Variants in ITSN1 observed in about 807,000 individuals in gnomAD.
The protein encoded by ITSN1 is intersectin-1.
A neutral mutation model predicts 239.8 loss-of-function variants in ITSN1; 58 were observed. The observed-to-expected ratio is 0.24, with a 90% confidence interval of 0.20 to 0.30. ITSN1 has a LOEUF of 0.30. Among genes scored for constraint, ITSN1 ranks in the 10% least tolerant of loss-of-function variants. ITSN1 has a pLI of 1.00. For synonymous variants in ITSN1, 780 were observed against 770.8 expected (o/e 1.01, Z -0.20); for missense variants, 1,558 against 2,103.3 (o/e 0.74, Z 5.07).
Position 33,895,760 on chromosome 21 carries a change from G to T in ITSN1, c.*7460G>T, listed in dbSNP as rs886693736. The stretch of plus-strand genomic sequence containing the variant: ...GTGTGTACCTACCCACACCTAGGGG[G>T]ATGCATGGCTCTGTGCCTTGGAGAG... On this transcript the variant is annotated 3_prime_UTR_variant, in exon 40 of 40. Coordinates refer to ENST00000381318, the MANE Select transcript of ITSN1 (RefSeq NM_003024.3). 5 of 152,344 alleles carry T rather than the reference G, an allele frequency of 3.3e-5. No homozygotes were observed. The East Asian group carries it at 9.6e-4, about 29-fold the overall frequency. 9.4% of individuals were successfully genotyped at this position (152,344 alleles called of 1,614,324 possible).
chr21:33,818,362 CGTCCTGGA>C lies in ITSN1; in HGVS notation c.2824_2831del (p.Val942ThrfsTer45). The C allele has an allele frequency of 6.2e-7, 1 of 1,614,140 alleles. No homozygotes were observed. The highest frequency in any genetic ancestry group is 8.5e-7 in the Non-Finnish European group (1 of 1,180,006). On this transcript the variant is annotated frameshift_variant, in exon 23 of 40. Transcript: ENST00000381318. LOFTEE classifies it high-confidence loss of function. Reference sequence around the variant, plus strand: ...ATTTTAACAAAAATGATGTCATCACCGTCCTGGAACAGCAAGACATGTGGTGGTTTGGA... The same window carrying C: ...ATTTTAACAAAAATGATGTCATCACCACAGCAAGACATGTGGTGGTTTGGA...
intron 19 of ITSN1, among the ~76,000 whole-genome samples, chr21:33,800,889 A>ACTGCAACCTCTGCCTCC (rs565204718): frequency 0.04 from 5,758 of 144,112 alleles, 320 homozygotes; most frequent in Non-Finnish European, 0.06. Flanking sequence ...ATATTGGCTC[A>ACTGCAACCTCTGCCTCC]CTGCAACCTC....
At position 33,750,246 on chromosome 21, in the gene ITSN1, T is replaced by C. The variant is rs7276194; in HGVS notation, c.450T>C (p.Val150=). The C allele has an allele frequency of 1.3e-3, 2,149 of 1,614,116 alleles. 22 individuals carry two copies. In the African/African-American group the frequency reaches 0.025, roughly 19 times the overall value. Residue 150 remains valine (V), a synonymous_variant, in exon 6 of 40, where the codon GTT becomes GTC. Transcript: ENST00000381318. ...VGMSPTLVSS[V]PTAAVPPLAN... is the part of the protein sequence containing the mutation. The stretch of plus-strand genomic sequence containing the variant: ...TGTCTCCAACCCTAGTATCTTCTGT[T>C]CCCACAGCAGCTGTGCCCCCCCTGG...
chr21:33,818,823 G>C (rs985667938), intron 23 of ITSN1, among the ~76,000 whole-genome samples: 19 of 152,222 alleles, frequency 1.2e-4, no homozygotes, highest in African/African-American at 4.3e-4. Flanking sequence ...AAACCCAAAG[G>C]ATCTGGGGAA....
chr21:33,835,847 G>A (rs898080499), intron 28 of ITSN1, among the ~76,000 whole-genome samples: 9 of 152,182 alleles, frequency 5.9e-5, no homozygotes, highest in African/African-American at 2.2e-4. Context: ...AGGAGAATCG[G>A]TTGAACCCTG....
intron 1 of ITSN1, among the ~76,000 whole-genome samples, chr21:33,694,650 G>A (rs149749898): frequency 1.5e-3 from 221 of 152,048 alleles, no homozygotes; most frequent in African/African-American, 5.0e-3. Context: ...GCGAAACCCC[G>A]TCTCTACTAA....
intron 1 of ITSN1, among the ~76,000 whole-genome samples, chr21:33,661,729 C>T (rs1359950938): frequency 6.6e-6 from 1 of 152,102 alleles, no homozygotes; most frequent in Non-Finnish European, 1.5e-5. Flanking sequence ...CCATACTGTT[C>T]TTGTGGTAGT....
chr21:33,643,044 C>T (rs1476851362), intron 1 of ITSN1, among the ~76,000 whole-genome samples: 2 of 149,526 alleles, frequency 1.3e-5, no homozygotes, highest in African/African-American at 2.4e-5. Flanking sequence ...CGGGCTCCCT[C>T]CTCTCGCGGG....
chr21:33,856,877 AG>A lies in ITSN1; in HGVS notation c.3783+25del. 1.9e-6 allele frequency: 3 copies of A among 1,567,280 alleles called. No individual in the cohort carries two copies. The highest frequency in any genetic ancestry group is 2.6e-6 in the Non-Finnish European group (3 of 1,145,000). On this transcript the variant is annotated intron_variant, in intron 30 of 39. Coordinates refer to ENST00000381318, the MANE Select transcript of ITSN1 (RefSeq NM_003024.3). ...ACAGAGGTAAGGGAGCTGGTGGGGC[AG>A]GGGGCACGGCAGGGGGCGATGACGG...
At chr21:33,793,719 T>G (rs1892589) in intron 16 of ITSN1, among the ~76,000 whole-genome samples, 1 of 152,252 alleles carries the variant, frequency 6.6e-6, no homozygotes, top group South Asian at 2.1e-4. Context: ...TTAACCTGAT[T>G]GCTGGTTTAG....
intron 14 of ITSN1, among the ~76,000 whole-genome samples, chr21:33,778,592 T>C (rs1339250352): frequency 7.8e-6 from 1 of 127,480 alleles, no homozygotes; most frequent in African/African-American, 3.6e-5. Context: ...TTTTTTTTTT[T>C]TTTTGAGACG....
chr21:33,730,452 A>G (rs1297697192), intron 4 of ITSN1, among the ~76,000 whole-genome samples: 1 of 112,190 alleles, frequency 8.9e-6, no homozygotes, highest in Non-Finnish European at 1.6e-5. Flanking sequence ...CCCAGGCTGG[A>G]GTGCAGTGAC....
intron 34 of ITSN1, among the ~76,000 whole-genome samples, chr21:33,881,743 G>A (rs1276675594): frequency 6.6e-6 from 1 of 152,124 alleles, no homozygotes; most frequent in African/African-American, 2.4e-5. Flanking sequence ...TATTTTGGGA[G>A]CTTGAGGTGG....
intron 6 of ITSN1, among the ~76,000 whole-genome samples, chr21:33,750,741 G>C (rs1286250400): frequency 6.6e-6 from 1 of 152,184 alleles, no homozygotes; most frequent in African/African-American, 2.4e-5. Flanking sequence ...GGGGTTGTGG[G>C]AAAGAATAAA....
In ITSN1 at chr21:33,838,229, A is replaced by G. The variant is rs554428944; in HGVS notation, c.3661+1597A>G. Reference sequence around the variant, plus strand: ...GCAGGGGGAGCCTCAAGCACAATCTAGCTGTCCTCCTAAAGACTCTGTAAT... The same window carrying G: ...GCAGGGGGAGCCTCAAGCACAATCTGGCTGTCCTCCTAAAGACTCTGTAAT... On this transcript the variant is annotated intron_variant, in intron 29 of 39. Coordinates refer to ENST00000381318, the MANE Select transcript of ITSN1 (RefSeq NM_003024.3). 4.1e-6 allele frequency: 4 copies of G among 985,334 alleles called. No individual in the cohort carries two copies. In the South Asian group the frequency reaches 1.4e-4, roughly 35 times the overall value. The allele number at this position is 985,334 out of a possible 1,614,324, so 61.0% of individuals were successfully genotyped here.
intron 22 of ITSN1, among the ~76,000 whole-genome samples, chr21:33,815,854 A>T: frequency 6.7e-6 from 1 of 150,342 alleles, no homozygotes; most frequent in African/African-American, 2.4e-5. Flanking sequence ...GGAGTGTAGA[A>T]GAGGTTTGGG....
intron 27 of ITSN1, among the ~76,000 whole-genome samples, chr21:33,831,580 G>T (rs1446023323): frequency 2.0e-5 from 3 of 152,176 alleles, no homozygotes; most frequent in African/African-American, 7.2e-5. Flanking sequence ...AGGTGCTCCT[G>T]AGGAATGGAG....
chr21:33,810,795 A>T (rs558221509), intron 20 of ITSN1, 180 bp from the exon 21 acceptor site: 61 of 709,078 alleles, frequency 8.6e-5, no homozygotes, highest in African/African-American at 1.1e-4. Context: ...ATTATAGTGC[A>T]TTTTTTTTTT....
chr21:33,685,166 G>A (rs927543212), intron 1 of ITSN1, among the ~76,000 whole-genome samples: 1 of 152,190 alleles, frequency 6.6e-6, no homozygotes, highest in Non-Finnish European at 1.5e-5. Context: ...CTTGGCACAG[G>A]TGCTAAGGTC....
Sources: allele counts gnomAD v4.1 joint callset (sites outside exome capture counted in the v4.1 genomes callset), GRCh38; gene constraint gnomAD v4.1.1; transcripts MANE v1.5; gene names NCBI Gene and HGNC (gene_info 2026-07-23, HGNC 2026-07-21).